The following ZMAT4 variants were observed in gnomAD, a reference collection of about 807,000 sequenced individuals.
The protein encoded by ZMAT4 is zinc finger matrin-type protein 4.
Under a neutral mutation model 28.7 loss-of-function variants are expected in ZMAT4, and 17 were observed. That is an observed-to-expected ratio of 0.59 (90% CI 0.41 to 0.89). The LOEUF (loss-of-function observed/expected upper bound fraction) is 0.89, where lower values mean the gene tolerates loss of function less well. ZMAT4 is among the 40% of genes least tolerant of loss of function. The pLI is 0.00. For missense variants in ZMAT4, 240 were observed against 283.8 expected (o/e 0.85, Z 1.11); for synonymous variants, 117 against 109.2 (o/e 1.07, Z -0.44).
intron 3 of ZMAT4, among the ~76,000 whole-genome samples, chr8:40,760,250 T>A (rs147267279): frequency 1.5e-3 from 236 of 152,364 alleles, no homozygotes; most frequent in African/African-American, 5.5e-3. Context: ...CTTCTCCAAG[T>A]GGTTGGGACA....
At chr8:40,722,563 T>C (rs1243257024) in intron 3 of ZMAT4, among the ~76,000 whole-genome samples, 1 of 152,204 alleles carries the variant, frequency 6.6e-6, no homozygotes, top group African/African-American at 2.4e-5. Flanking sequence ...TTAAGTAAAT[T>C]GCCATCAAAT....
intron 5 of ZMAT4, among the ~76,000 whole-genome samples, chr8:40,650,598 C>G (rs2118812701): frequency 1.1e-5 from 1 of 92,778 alleles, no homozygotes; most frequent in East Asian, 4.3e-4. Flanking sequence ...CATTCTGATA[C>G]CAAAACCAGG....
intron 2 of ZMAT4, among the ~76,000 whole-genome samples, chr8:40,804,989 A>T (rs912032889): frequency 2.6e-5 from 4 of 151,972 alleles, no homozygotes; most frequent in African/African-American, 9.7e-5. Flanking sequence ...AGCAAAACAA[A>T]CTACCATCAG....
chr8:40,731,587 G>GAA (rs1178300090), intron 3 of ZMAT4, among the ~76,000 whole-genome samples: 1 of 152,224 alleles, frequency 6.6e-6, no homozygotes, highest in East Asian at 1.9e-4. Flanking sequence ...CCATTCAAAG[G>GAA]AAAAACAGTA....
chr8:40,874,091 G>A (rs1563258901), intron 1 of ZMAT4, among the ~76,000 whole-genome samples: 1 of 152,156 alleles, frequency 6.6e-6, no homozygotes, highest in Non-Finnish European at 1.5e-5. Context: ...TCATCTTGCT[G>A]CTTCTTTTCT....
At chr8:40,737,827 T>C (rs551442334) in intron 3 of ZMAT4, among the ~76,000 whole-genome samples, 1 of 152,044 alleles carries the variant, frequency 6.6e-6, no homozygotes, top group African/African-American at 2.4e-5. Flanking sequence ...TTTTTTTTAA[T>C]GAAGAGGATA....
chr8:40,855,986 C>G (rs955769957), intron 1 of ZMAT4, among the ~76,000 whole-genome samples: 23 of 152,024 alleles, frequency 1.5e-4, no homozygotes, highest in African/African-American at 5.1e-4. Context: ...CAACTACACC[C>G]AGCCACCACC....
chr8:40,639,927 C>G (rs573519304), intron 5 of ZMAT4, among the ~76,000 whole-genome samples: 1 of 151,852 alleles, frequency 6.6e-6, no homozygotes, highest in Non-Finnish European at 1.5e-5. Context: ...TTGTCTGGTC[C>G]TCTCTCATTC....
At chr8:40,815,598 C>T (rs552598279) in intron 2 of ZMAT4, among the ~76,000 whole-genome samples, 14 of 152,144 alleles carry the variant, frequency 9.2e-5, no homozygotes, top group African/African-American at 2.7e-4. Context: ...TCCATCTCCA[C>T]GCAGAAGGTG....
intron 5 of ZMAT4, among the ~76,000 whole-genome samples, chr8:40,661,207 T>G (rs868332444): frequency 5.3e-5 from 8 of 152,210 alleles, no homozygotes; most frequent in Admixed American, 2.6e-4. Context: ...TTCAAGCGAT[T>G]CTTTTGTCTC....
intron 2 of ZMAT4, among the ~76,000 whole-genome samples, chr8:40,782,772 C>CAAAT: frequency 6.6e-6 from 1 of 152,264 alleles, no homozygotes; most frequent in Middle Eastern, 3.4e-3. Context: ...AAGAGATATA[C>CAAAT]AAATGGTCAA....
chr8:40,723,751 A>G (rs1811205670), intron 3 of ZMAT4, among the ~76,000 whole-genome samples: 1 of 152,138 alleles, frequency 6.6e-6, no homozygotes, highest in South Asian at 2.1e-4. Context: ...GGAACACAAT[A>G]CATTTGTCCT....
At chr8:40,635,866 C>G (rs1198164128) in intron 5 of ZMAT4, among the ~76,000 whole-genome samples, 1 of 152,134 alleles carries the variant, frequency 6.6e-6, no homozygotes, top group Non-Finnish European at 1.5e-5. Flanking sequence ...TTTAAAAGGA[C>G]AGCTTTTAAA....
At chr8:40,636,404 A>G (rs994342329) in intron 5 of ZMAT4, among the ~76,000 whole-genome samples, 2 of 152,230 alleles carry the variant, frequency 1.3e-5, no homozygotes, top group African/African-American at 2.4e-5. Context: ...GCACATATCC[A>G]TCATGTTTTT....
In ZMAT4 at chr8:40,756,426, TTATATA is replaced by T. The variant is rs72008675; in HGVS notation, c.192+11209_192+11214del. 4.6e-4 allele frequency among the ~76,000 whole-genome samples: 34 copies of T among 73,278 alleles called. 3 individuals carry two copies. The highest frequency in any genetic ancestry group is 5.4e-4 in the Admixed American group (3 of 5,506). The allele number at this position is 73,278 out of a possible 152,430, so 48.1% of individuals were successfully genotyped here. ...AATTTCATGTCTAGGAAATGTTCTTTTATATATATATATATATATATATATATATAT... is the reference window on the plus strand; with the variant it reads ...AATTTCATGTCTAGGAAATGTTCTTTTATATATATATATATATATATATAT... On this transcript the variant is annotated intron_variant, in intron 3 of 6. Transcript: ENST00000297737.
chr8:40,693,394 G>A (rs1005420993), intron 4 of ZMAT4, among the ~76,000 whole-genome samples: 1 of 152,156 alleles, frequency 6.6e-6, no homozygotes, highest in African/African-American at 2.4e-5. Flanking sequence ...GGAATTACAG[G>A]TATGAGCCTG....
At chr8:40,842,065 T>A (rs952187742) in intron 1 of ZMAT4, among the ~76,000 whole-genome samples, 1 of 152,160 alleles carries the variant, frequency 6.6e-6, no homozygotes, top group African/African-American at 2.4e-5. Context: ...AAGTATTAGG[T>A]CTTCCCTCCC....
intron 5 of ZMAT4, among the ~76,000 whole-genome samples, chr8:40,663,803 C>T (rs1333868101): frequency 6.6e-6 from 1 of 152,100 alleles, no homozygotes; most frequent in Non-Finnish European, 1.5e-5. Flanking sequence ...CTATAATTAT[C>T]GTATGTGTTT....
intron 5 of ZMAT4, among the ~76,000 whole-genome samples, chr8:40,624,014 GTTTTTCTT>G (rs1806289302): frequency 6.6e-6 from 1 of 152,130 alleles, no homozygotes; most frequent in Non-Finnish European, 1.5e-5. Context: ...AGGTCATACT[GTTTTTCTT>G]GCCTGTGCTT....
Sources: gnomAD v4.1 joint callset for allele counts (sites outside exome capture counted in the v4.1 genomes callset) on GRCh38, gnomAD v4.1.1 for gene constraint, MANE v1.5 for transcripts, NCBI Gene and HGNC (gene_info 2026-07-23, HGNC 2026-07-21) for gene names.